Variants in VAV3 observed in about 807,000 individuals in gnomAD.
VAV3 encodes the protein vav guanine nucleotide exchange factor 3, also known as guanine nucleotide exchange factor VAV3.
A neutral mutation model predicts 131.2 loss-of-function variants in VAV3; 94 were observed. The ratio of observed to expected loss-of-function variants is 0.72; its 90% CI spans 0.61 to 0.85. VAV3 has a LOEUF of 0.85. VAV3 is among the 40% of genes least tolerant of loss of function. The pLI is 0.00. For synonymous variants in VAV3, 349 were observed against 342.0 expected (o/e 1.02, Z -0.22); for missense variants, 939 against 1,002.7 (o/e 0.94, Z 0.86).
chr1:107,847,137 T>C (rs1266519907), intron 2 of VAV3, among the ~76,000 whole-genome samples: 1 of 152,104 alleles, frequency 6.6e-6, no homozygotes, highest in African/African-American at 2.4e-5. Context: ...ACCACACGAC[T>C]ACAAGGAAAC....
rs77076921 is a variant in VAV3, at chr1:107,705,071, G to C, written c.1503-10C>G. ...TGGTCTTATGTTAGACCTAAAAAAAGGAAAAAAATAACTTTCTATAGAAAG... is the reference window on the plus strand; with the variant it reads ...TGGTCTTATGTTAGACCTAAAAAAACGAAAAAAATAACTTTCTATAGAAAG... On this transcript the variant is annotated splice_polypyrimidine_tract_variant and intron_variant, in intron 15 of 26. Coordinates refer to ENST00000370056, the MANE Select transcript of VAV3 (RefSeq NM_006113.5). 9.4e-6 allele frequency: 15 copies of C among 1,590,762 alleles called. No individual in the cohort carries two copies. The South Asian group carries it at 1.6e-4, about 17-fold the overall frequency.
chr1:107,824,088 G>C (rs1477419467), intron 2 of VAV3, among the ~76,000 whole-genome samples: 2 of 152,182 alleles, frequency 1.3e-5, no homozygotes, highest in Admixed American at 1.3e-4. Flanking sequence ...GACGTGAACT[G>C]AGTAGAAAAC....
intron 22 of VAV3, among the ~76,000 whole-genome samples, chr1:107,607,313 T>C (rs1183057970): frequency 6.6e-6 from 1 of 152,178 alleles, no homozygotes; most frequent in Non-Finnish European, 1.5e-5. Flanking sequence ...GGTCTGGATT[T>C]TAGATTTTTA....
At chr1:107,771,731 T>C (rs765923803) in intron 5 of VAV3, among the ~76,000 whole-genome samples, 1 of 152,328 alleles carries the variant, frequency 6.6e-6, no homozygotes, top group East Asian at 1.9e-4. Context: ...TAAATTATTA[T>C]CACTGTTCAC....
At chr1:107,952,549 C>G (rs961661182) in intron 1 of VAV3, among the ~76,000 whole-genome samples, 1 of 148,930 alleles carries the variant, frequency 6.7e-6, no homozygotes, top group African/African-American at 2.5e-5. Flanking sequence ...CATGCACACA[C>G]ATAAATAAAT....
intron 1 of VAV3, among the ~76,000 whole-genome samples, chr1:107,912,066 T>C (rs981472545): frequency 2.0e-5 from 3 of 152,200 alleles, no homozygotes; most frequent in African/African-American, 4.8e-5. Flanking sequence ...TGTTTGTGTG[T>C]GTGTGTGCGT....
chr1:107,832,158 T>C (rs1668281608), intron 2 of VAV3, among the ~76,000 whole-genome samples: 1 of 152,198 alleles, frequency 6.6e-6, no homozygotes, highest in Non-Finnish European at 1.5e-5. Flanking sequence ...TGGGGACTGA[T>C]CTGGTTATAA....
intron 25 of VAV3, among the ~76,000 whole-genome samples, chr1:107,584,468 G>T (rs1334125254): frequency 6.6e-6 from 1 of 152,064 alleles, no homozygotes; most frequent in African/African-American, 2.4e-5. Flanking sequence ...GAGTGAACAG[G>T]CAACCCACAA....
chr1:107,671,574 A>T (rs904459365), intron 19 of VAV3, among the ~76,000 whole-genome samples: 1 of 152,236 alleles, frequency 6.6e-6, no homozygotes, highest in Non-Finnish European at 1.5e-5. Context: ...CTTTTAAAAT[A>T]ATAGGTCTAG....
intron 1 of VAV3, among the ~76,000 whole-genome samples, chr1:107,945,405 T>C (rs1369543677): frequency 6.6e-6 from 1 of 152,232 alleles, no homozygotes; most frequent in African/African-American, 2.4e-5. Context: ...AGTTATTATA[T>C]AGTTATTTAT....
intron 2 of VAV3, among the ~76,000 whole-genome samples, chr1:107,839,859 T>G (rs1365116254): frequency 1.3e-5 from 2 of 152,094 alleles, no homozygotes; most frequent in East Asian, 3.8e-4. Context: ...ACTAATTCCA[T>G]GGACACTGAA....
intron 19 of VAV3, among the ~76,000 whole-genome samples, chr1:107,649,187 G>A (rs562089162): frequency 9.9e-5 from 15 of 152,066 alleles, no homozygotes; most frequent in African/African-American, 3.6e-4. Context: ...TCTACATAAG[G>A]TTATTATCAC....
At chr1:107,910,542 T>C (rs1407455774) in intron 1 of VAV3, among the ~76,000 whole-genome samples, 1 of 152,184 alleles carries the variant, frequency 6.6e-6, no homozygotes, top group African/African-American at 2.4e-5. Flanking sequence ...TAATTGAAGG[T>C]CACAGTAATG....
intron 1 of VAV3, among the ~76,000 whole-genome samples, chr1:107,894,752 C>A (rs1367097262): frequency 6.6e-6 from 1 of 152,184 alleles, no homozygotes; most frequent in South Asian, 2.1e-4. Flanking sequence ...TGTTTGCTCA[C>A]TATATGATGC....
chr1:107,767,352 G>A (rs1664791151), intron 7 of VAV3, among the ~76,000 whole-genome samples: 1 of 152,130 alleles, frequency 6.6e-6, no homozygotes, highest in Non-Finnish European at 1.5e-5. Context: ...CTCATCCTGT[G>A]TACCTTGGAG....
At chr1:107,842,278 G>C (rs1668754513) in intron 2 of VAV3, among the ~76,000 whole-genome samples, 1 of 152,172 alleles carries the variant, frequency 6.6e-6, no homozygotes, top group Non-Finnish European at 1.5e-5. Context: ...TGAATGGCAA[G>C]GGAAGGGAGT....
At chr1:107,617,447 C>A (rs1653245242) in intron 21 of VAV3, 120 bp downstream of exon 21, 1 of 731,536 alleles carries the variant, frequency 1.4e-6, no homozygotes, top group South Asian at 3.0e-5. Context: ...ATGATTCTTC[C>A]AGAAAATATT....
chr1:107,856,169 C>T (rs1268270848), intron 2 of VAV3, among the ~76,000 whole-genome samples: 2 of 152,006 alleles, frequency 1.3e-5, no homozygotes, highest in Non-Finnish European at 2.9e-5. Context: ...ACTCAAAAGC[C>T]GACATGAAAT....
chr1:107,945,522 C>T (rs1280411021), intron 1 of VAV3, among the ~76,000 whole-genome samples: 1 of 152,002 alleles, frequency 6.6e-6, no homozygotes, highest in East Asian at 1.9e-4. Context: ...AAGCTTAGAT[C>T]TAGTAGAAAA....
Sources: gnomAD v4.1 joint callset for allele counts (sites outside exome capture counted in the v4.1 genomes callset) on GRCh38, gnomAD v4.1.1 for gene constraint, MANE v1.5 for transcripts, NCBI Gene and HGNC (gene_info 2026-07-23, HGNC 2026-07-21) for gene names.